ITCH: variants seen among roughly 807,000 people sequenced by gnomAD.
ITCH encodes itchy E3 ubiquitin protein ligase.
A neutral mutation model predicts 126.8 loss-of-function variants in ITCH; 28 were observed. That is an observed-to-expected ratio of 0.22 (90% CI 0.16 to 0.30). The LOEUF (loss-of-function observed/expected upper bound fraction) is 0.30. Among genes scored for constraint, ITCH ranks in the 10% least tolerant of loss-of-function variants. The pLI is 1.00. For synonymous variants in ITCH, 342 were observed against 340.0 expected (o/e 1.01, Z -0.06); for missense variants, 631 against 1,032.4 (o/e 0.61, Z 5.33).
At chr20:34,372,166 G>A (rs531325755) in intron 2 of ITCH, among the ~76,000 whole-genome samples, 46 of 151,082 alleles carry the variant, frequency 3.0e-4, no homozygotes, top group African/African-American at 1.0e-3. Flanking sequence ...TTAGCTGGGC[G>A]TGGTGGCGGG....
chr20:34,390,182 C>G (rs1479798933), intron 2 of ITCH, among the ~76,000 whole-genome samples: 1 of 151,960 alleles, frequency 6.6e-6, no homozygotes, highest in Non-Finnish European at 1.5e-5. Context: ...ATCACTCTTG[C>G]ATGCAACAGG....
chr20:34,453,856 T>C (rs1359702100), intron 12 of ITCH, among the ~76,000 whole-genome samples: 2 of 150,338 alleles, frequency 1.3e-5, no homozygotes, highest in East Asian at 4.0e-4. Flanking sequence ...TAGCTGGGAG[T>C]GGTGGTGGAC....
chr20:34,472,372 T>TAAA (rs527802058), intron 16 of ITCH, among the ~76,000 whole-genome samples: 26 of 79,614 alleles, frequency 3.3e-4, no homozygotes, highest in East Asian at 6.8e-4. Flanking sequence ...CATCTCAATT[T>TAAA]AAAAAAAAAA....
chr20:34,384,415 G>A (rs2038194229), intron 2 of ITCH: 1 of 152,376 alleles, frequency 6.6e-6, no homozygotes, highest in African/African-American at 2.4e-5. Context: ...TGAGTAACTG[G>A]GATTACAGGC....
At chr20:34,379,483 T>C (rs1208686600) in intron 2 of ITCH, among the ~76,000 whole-genome samples, 1 of 152,152 alleles carries the variant, frequency 6.6e-6, no homozygotes, top group Non-Finnish European at 1.5e-5. Flanking sequence ...AAACAATAAT[T>C]ATCCATTTCA....
rs147944744 is a variant in ITCH at position 34,450,363 on chromosome 20, G to T, written c.1210+883G>T. ...CAAGGTTCAGAGTTTGGTTAAGTTGGCATTATCTGATAGAAGAGTGGAAGG... is the reference window on the plus strand; with the variant it reads ...CAAGGTTCAGAGTTTGGTTAAGTTGTCATTATCTGATAGAAGAGTGGAAGG... On this transcript the variant is annotated intron_variant, in intron 12 of 24. Coordinates refer to ENST00000374864, the MANE Select transcript of ITCH (RefSeq NM_031483.7). Among the ~76,000 whole-genome samples, 614 of 152,256 alleles carry T rather than the reference G, an allele frequency of 4.0e-3. 5 individuals are homozygous for T. Among genetic ancestry groups the T allele is most frequent in the African/African-American group, 0.014 (578 of 41,546 alleles).
intron 23 of ITCH, among the ~76,000 whole-genome samples, chr20:34,492,894 G>A (rs1383603109): frequency 6.6e-6 from 1 of 152,132 alleles, no homozygotes; most frequent in Non-Finnish European, 1.5e-5. Flanking sequence ...AATCACTATT[G>A]GTTGTATTAT....
intron 10 of ITCH, among the ~76,000 whole-genome samples, chr20:34,442,814 A>T (rs1304885942): frequency 1.3e-5 from 2 of 151,396 alleles, no homozygotes; most frequent in African/African-American, 4.8e-5. Flanking sequence ...TCTACTAAAA[A>T]TACAAAAAAA....
chr20:34,416,911 C>CTTT (rs60272162), intron 6 of ITCH, among the ~76,000 whole-genome samples: 6 of 132,412 alleles, frequency 4.5e-5, no homozygotes, highest in South Asian at 2.5e-4. Context: ...CTCTTCCTAG[C>CTTT]TTTTTTTTTT....
intron 14 of ITCH, 42 bp downstream of exon 14, chr20:34,462,263 T>G (rs757291285): frequency 3.1e-6 from 5 of 1,590,812 alleles, no homozygotes; most frequent in Middle Eastern, 1.7e-4. Context: ...AAAATACTAG[T>G]CCTTCAGATT....
intron 20 of ITCH, among the ~76,000 whole-genome samples, chr20:34,486,482 C>T (rs1010784556): frequency 2.6e-5 from 4 of 151,744 alleles, no homozygotes; most frequent in Admixed American, 6.6e-5. Context: ...CCCGCCACCA[C>T]GCCTGGCTAA....
rs539239942 is a variant in ITCH at position 34,432,659 on chromosome 20, A to G, written c.522-5815A>G. On this transcript the variant is annotated intron_variant, in intron 7 of 24. Coordinates refer to ENST00000374864, the MANE Select transcript of ITCH (RefSeq NM_031483.7). Reference sequence around the variant, plus strand: ...GAGAACAGGTCAATTATTACCTTTAAAACTATTTTTTAGGGCCAGGCACAG... The same window carrying G: ...GAGAACAGGTCAATTATTACCTTTAGAACTATTTTTTAGGGCCAGGCACAG... 2.6e-5 allele frequency among the ~76,000 whole-genome samples: 4 copies of G among 152,316 alleles called. No homozygotes were observed. The East Asian group carries it at 7.7e-4, about 29-fold the overall frequency.
chr20:34,365,139 G>A (rs2037371076), intron 1 of ITCH, among the ~76,000 whole-genome samples: 1 of 152,088 alleles, frequency 6.6e-6, no homozygotes, highest in African/African-American at 2.4e-5. Context: ...GGTCGAGGCT[G>A]CGGTGAGCTG....
chr20:34,463,025 T>G (rs1986687181), intron 14 of ITCH, among the ~76,000 whole-genome samples: 1 of 152,194 alleles, frequency 6.6e-6, no homozygotes, highest in Non-Finnish European at 1.5e-5. Context: ...TTCTGTTTTT[T>G]GGGGGGTATT....
chr20:34,376,923 T>C (rs1319023266), intron 2 of ITCH, among the ~76,000 whole-genome samples: 1 of 152,164 alleles, frequency 6.6e-6, no homozygotes, highest in Admixed American at 6.6e-5. Flanking sequence ...CTATTGACTT[T>C]TGTACAAACT....
chr20:34,435,180 T>TG (rs1415624761), intron 7 of ITCH, among the ~76,000 whole-genome samples: 1 of 151,746 alleles, frequency 6.6e-6, no homozygotes, highest in Non-Finnish European at 1.5e-5. Context: ...TTGGGTTTTT[T>TG]TTTTTTGAGA....
chr20:34,365,933 C>G (rs2037405274), intron 1 of ITCH, among the ~76,000 whole-genome samples: 1 of 152,148 alleles, frequency 6.6e-6, no homozygotes, highest in African/African-American at 2.4e-5. Flanking sequence ...GTACTGTAGA[C>G]TTACCAAGGA....
chr20:34,404,203 T>C (rs2038976132), intron 3 of ITCH, among the ~76,000 whole-genome samples: 1 of 152,112 alleles, frequency 6.6e-6, no homozygotes, highest in African/African-American at 2.4e-5. Context: ...CGGTTTATAA[T>C]GTATAGTTTT....
chr20:34,406,805 A>T (rs1601825544), intron 3 of ITCH, among the ~76,000 whole-genome samples: 1 of 152,178 alleles, frequency 6.6e-6, no homozygotes, highest in South Asian at 2.1e-4. Context: ...AAGTGCTGGG[A>T]TTACAGGCGT....
Sources: allele counts gnomAD v4.1 joint callset (sites outside exome capture counted in the v4.1 genomes callset), GRCh38; gene constraint gnomAD v4.1.1; transcripts MANE v1.5; gene names NCBI Gene and HGNC (gene_info 2026-07-23, HGNC 2026-07-21).